Variants in MACROD2 observed in about 807,000 individuals in gnomAD.
MACROD2 encodes the protein ADP-ribose glycohydrolase MACROD2.
A neutral mutation model predicts 70.4 loss-of-function variants in MACROD2; 36 were observed. The ratio of observed to expected loss-of-function variants is 0.51; its 90% CI spans 0.39 to 0.68. The LOEUF is 0.68. Among genes scored for constraint, MACROD2 ranks in the 30% least tolerant of loss-of-function variants. The probability of loss-of-function intolerance (pLI) is 0.00; values close to 1 mark genes in which losing one functional copy is unlikely to be tolerated. For synonymous variants in MACROD2, 172 were observed against 178.8 expected (o/e 0.96, Z 0.30); for missense variants, 496 against 538.4 (o/e 0.92, Z 0.78).
At chr20:14,890,956 T>TTCCTTCCTTCCG (rs1460222807) in intron 5 of MACROD2, among the ~76,000 whole-genome samples, 1 of 104,996 alleles carries the variant, frequency 9.5e-6, no homozygotes, top group African/African-American at 4.1e-5. Flanking sequence ...CTCTTTTTCC[T>TTCCTTCCTTCCG]TCCTTCCTTC....
intron 5 of MACROD2, among the ~76,000 whole-genome samples, chr20:15,077,207 GTTTTT>G (rs1395639720): frequency 5.3e-5 from 8 of 151,970 alleles, no homozygotes; most frequent in Non-Finnish European, 1.0e-4. Context: ...TTGTTTGTTT[GTTTTT>G]AATTCACCTT....
At chr20:14,025,626 T>A (rs1300676139) in intron 2 of MACROD2, among the ~76,000 whole-genome samples, 2 of 152,212 alleles carry the variant, frequency 1.3e-5, no homozygotes, top group South Asian at 4.1e-4. Context: ...AGGAGCAGGT[T>A]GTTTAGTTTC....
chr20:14,460,412 G>T (rs2084354939), intron 3 of MACROD2, among the ~76,000 whole-genome samples: 1 of 151,958 alleles, frequency 6.6e-6, no homozygotes, highest in African/African-American at 2.4e-5. Flanking sequence ...TTTAATGATC[G>T]CCATTCTAAC....
intron 6 of MACROD2, among the ~76,000 whole-genome samples, chr20:15,377,534 C>T (rs2045579905): frequency 6.6e-6 from 1 of 152,194 alleles, no homozygotes. Flanking sequence ...TTTCAGCTCT[C>T]AAGTACTCCC....
chr20:15,658,625 T>C (rs1446861792), intron 8 of MACROD2, among the ~76,000 whole-genome samples: 1 of 152,168 alleles, frequency 6.6e-6, no homozygotes, highest in Non-Finnish European at 1.5e-5. Flanking sequence ...CTGCAGCAGC[T>C]TCCTCCATCA....
chr20:14,312,988 G>C (rs1027882238), intron 3 of MACROD2, among the ~76,000 whole-genome samples: 2 of 152,194 alleles, frequency 1.3e-5, no homozygotes, highest in Non-Finnish European at 2.9e-5. Context: ...TTTTCTGTAA[G>C]CTAATTATAT....
intron 5 of MACROD2, among the ~76,000 whole-genome samples, chr20:15,127,048 C>A (rs1443131078): frequency 6.6e-6 from 1 of 152,020 alleles, no homozygotes; most frequent in Non-Finnish European, 1.5e-5. Context: ...ACACCTAGGG[C>A]AGAACACTTC....
intron 5 of MACROD2, among the ~76,000 whole-genome samples, chr20:15,020,689 G>A (rs564563799): frequency 1.3e-5 from 2 of 152,006 alleles, no homozygotes; most frequent in African/African-American, 2.4e-5. Flanking sequence ...TTGCTCCTAG[G>A]CTACAAACTT....
chr20:14,802,867 T>C (rs1347736923), intron 5 of MACROD2, among the ~76,000 whole-genome samples: 1 of 151,682 alleles, frequency 6.6e-6, no homozygotes, highest in Admixed American at 6.6e-5. Context: ...GATTTTTTTT[T>C]CAGTTAGAAT....
In MACROD2 at chr20:14,222,449, C is replaced by A. The variant is rs555283082; in HGVS notation, c.271+136721C>A. 6.6e-5 allele frequency among the ~76,000 whole-genome samples: 10 copies of A among 151,870 alleles called. No individual in the cohort carries two copies. The East Asian group carries it at 1.9e-3, about 29-fold the overall frequency. On this transcript the variant is annotated intron_variant, in intron 3 of 17. Transcript: ENST00000684519. Reference sequence around the variant, plus strand: ...GACCTAAATAATGTGTATATATGGACGTAGAATTTAGAATGATATGCAATG... The same window carrying A: ...GACCTAAATAATGTGTATATATGGAAGTAGAATTTAGAATGATATGCAATG...
intron 6 of MACROD2, among the ~76,000 whole-genome samples, chr20:15,350,264 A>G (rs2078213414): frequency 6.6e-6 from 1 of 152,218 alleles, no homozygotes; most frequent in Admixed American, 6.5e-5. Flanking sequence ...AATGTTGTTC[A>G]CAGGCACCCT....
chr20:14,327,621 T>A, intron 3 of MACROD2: 1 of 1,179,680 alleles, frequency 8.5e-7, no homozygotes. Flanking sequence ...ATATAATGTT[T>A]AAAAACAAAT....
At chr20:14,644,067 T>C (rs1366111511) in intron 4 of MACROD2, among the ~76,000 whole-genome samples, 2 of 152,214 alleles carry the variant, frequency 1.3e-5, no homozygotes, top group Non-Finnish European at 2.9e-5. Flanking sequence ...GTAGCATTAA[T>C]AAAAATATAT....
At chr20:14,996,112 T>C (rs2074946942) in intron 5 of MACROD2, among the ~76,000 whole-genome samples, 3 of 152,024 alleles carry the variant, frequency 2.0e-5, no homozygotes, top group Admixed American at 2.0e-4. Flanking sequence ...ATATGGAAAA[T>C]GAAGGGGCCA....
intron 5 of MACROD2, among the ~76,000 whole-genome samples, chr20:14,776,479 C>G (rs184550080): frequency 6.6e-6 from 1 of 152,084 alleles, no homozygotes; most frequent in East Asian, 1.9e-4. Context: ...ATATCATAAT[C>G]ACAGTCATAA....
At chr20:14,180,532 A>G (rs1277549459) in intron 3 of MACROD2, among the ~76,000 whole-genome samples, 2 of 152,116 alleles carry the variant, frequency 1.3e-5, no homozygotes, top group Admixed American at 6.6e-5. Context: ...TTTTTTAAAA[A>G]CTTATACGAA....
At chr20:15,103,172 C>T (rs1036985395) in intron 5 of MACROD2, among the ~76,000 whole-genome samples, 1 of 152,212 alleles carries the variant, frequency 6.6e-6, no homozygotes, top group East Asian at 1.9e-4. Context: ...GAATTATTTT[C>T]TCACATAGCA....
chr20:15,131,282 G>C (rs879471822), intron 5 of MACROD2, among the ~76,000 whole-genome samples: 14 of 152,018 alleles, frequency 9.2e-5, no homozygotes, highest in Admixed American at 3.9e-4. Flanking sequence ...TTTCAGGGGA[G>C]AAAAATGTGG....
chr20:14,318,910 T>A (rs2082635767), intron 3 of MACROD2, among the ~76,000 whole-genome samples: 1 of 152,184 alleles, frequency 6.6e-6, no homozygotes, highest in African/African-American at 2.4e-5. Flanking sequence ...CTTCCCACAG[T>A]CTTGAAGTAA....
Sources: allele counts gnomAD v4.1 joint callset (sites outside exome capture counted in the v4.1 genomes callset), GRCh38; gene constraint gnomAD v4.1.1; transcripts MANE v1.5; gene names NCBI Gene and HGNC (gene_info 2026-07-23, HGNC 2026-07-21).